Variants in COQ8B observed in about 807,000 individuals in gnomAD.
The protein encoded by COQ8B is atypical kinase COQ8B, mitochondrial.
In COQ8B, 44 loss-of-function variants were observed where a neutral mutation model predicts 62.0. That is an observed-to-expected ratio of 0.71 (90% confidence interval 0.56 to 0.91). The LOEUF (loss-of-function observed/expected upper bound fraction) is 0.91, where lower values mean the gene tolerates loss of function less well. COQ8B is among the 40% of genes least tolerant of loss of function. The probability of loss-of-function intolerance (pLI) is 0.00; values close to 1 mark genes in which losing one functional copy is unlikely to be tolerated. For synonymous variants in COQ8B, 252 were observed against 289.9 expected, an observed-to-expected ratio of 0.87 and a Z score of 1.33; for missense variants, 649 against 731.6, an observed-to-expected ratio of 0.89 and a Z score of 1.30.
intron 13 of COQ8B, among the ~76,000 whole-genome samples, chr19:40,695,326 A>AAAAAAAAAAGAAAAG (rs568057941): frequency 0.34 from 48,049 of 141,032 alleles, 8,707 homozygotes; most frequent in East Asian, 0.44. Context: ...TCAATTAAAA[A>AAAAAAAAAAGAAAAG]AAAAAAAAAG....
At chr19:40,707,152 CCA>C (rs1227051841) in intron 5 of COQ8B, among the ~76,000 whole-genome samples, 1 of 151,908 alleles carries the variant, frequency 6.6e-6, no homozygotes, top group Non-Finnish European at 1.5e-5. Context: ...GCCTATAGTC[CCA>C]GCTACTCAGG....
intron 13 of COQ8B, 37 bp from the exon 14 acceptor site, chr19:40,693,074 G>A (rs532071290): frequency 1.5e-5 from 24 of 1,553,082 alleles, no homozygotes; most frequent in Middle Eastern, 1.7e-4. Context: ...GACAAAGGCC[G>A]GGGCTCAAGG....
At position 40,700,187 on chromosome 19, in the gene COQ8B, G is replaced by A. The variant is rs1480932941; in HGVS notation, c.1036-13C>T. On this transcript the variant is annotated splice_polypyrimidine_tract_variant and intron_variant, in intron 11 of 14. Transcript: ENST00000324464. ...GCTGGAAGCAAATCTGGGGTGGGGA[G>A]AATTAACAGGCATCTCAGTGTGATC... 1 of 1,614,112 alleles carries A rather than the reference G, an allele frequency of 6.2e-7. No individual in the cohort carries two copies. The highest frequency in any genetic ancestry group is 2.2e-5 in the East Asian group (1 of 44,878).
Position 40,703,585 on chromosome 19 carries a change from T to C in COQ8B, c.755A>G (p.Gln252Arg), listed in dbSNP as rs748138781. Reference sequence around the variant, plus strand: ...CATCTTGAGTACCGCCAGCAGGTTCTGGACATCGCTCTGAATGCTCTGGGC... The same window carrying C: ...CATCTTGAGTACCGCCAGCAGGTTCCGGACATCGCTCTGAATGCTCTGGGC... ...GIAQSIQSDV[Q>R]NLLAVLKMSA... Residue 252 changes from glutamine to arginine, a missense_variant, in exon 9 of 15, where the codon CAG (glutamine) becomes CGG (arginine). Transcript: ENST00000324464. 1.5e-5 allele frequency: 24 copies of C among 1,611,182 alleles called. No individual in the cohort carries two copies. The highest frequency in any genetic ancestry group is 2.2e-5 in the East Asian group (1 of 44,804).
chr19:40,699,953 C>G, intron 12 of COQ8B, 114 bp downstream of exon 12: 1 of 986,924 alleles, frequency 1.0e-6, no homozygotes, highest in Non-Finnish European at 1.5e-6. Context: ...TGGAAAAGGG[C>G]CACCCCTGCC....
At position 40,714,613 on chromosome 19, in the gene COQ8B, C is replaced by T. The variant is rs113871093; in HGVS notation, c.20G>A (p.Gly7Asp). MWLKVG[G>D]LLRGTGGQLG... ...CTGTCCACCGGTCCCCCGAAGTAGG[C>T]CCCCCACCTTCAGCCACATTGCCTG... The change falls in exon 2 of 15, where the codon GGC (glycine) becomes GAC (aspartate). Residue 7 changes from glycine (G) to aspartate (D), a missense_variant. Gly to Asp is a moderately conservative substitution (Grantham distance 94). Transcript: ENST00000324464. 487 of 1,609,162 alleles carry T rather than the reference C, an allele frequency of 3.0e-4. 2 individuals carry two copies. In the African/African-American group the frequency reaches 5.6e-3, roughly 19 times the overall value.
At chr19:40,715,587 C>G (rs2082179339) in intron 1 of COQ8B, 2 of 985,480 alleles carry the variant, frequency 2.0e-6, no homozygotes, top group African/African-American at 3.5e-5. Context: ...AATCCCTTGC[C>G]TTGCTTGCCA....
At position 40,713,331 on chromosome 19, in the gene COQ8B, T is replaced by C. The variant is rs966906001; in HGVS notation, c.289+736A>G. 5.3e-5 allele frequency among the ~76,000 whole-genome samples: 8 copies of C among 152,144 alleles called. No individual in the cohort carries two copies. In the South Asian group the frequency reaches 1.2e-3, roughly 24 times the overall value. ...GTCATCCCTTGAACCCTGGGCAGCC[T>C]GGTGCCAAAGCTCTACCACTGCCTG... On this transcript the variant is annotated intron_variant, in intron 4 of 14. Transcript: ENST00000324464.
In COQ8B at chr19:40,703,774, T is replaced by C. The variant is rs897201275; in HGVS notation, c.658A>G (p.Ile220Val). 26 of 1,613,952 alleles carry C rather than the reference T, an allele frequency of 1.6e-5. No homozygotes were observed. Among genetic ancestry groups the C allele is most frequent in the Middle Eastern group, 1.6e-4 (1 of 6,084 alleles). ...LEEVPFAAAS[I>V]GQVHQGLLRD... ...AGCAGGCCCTGGTGCACCTGCCCAA[T>C]TGAGGCAGCGGCAAAGGGCACCTCC... Residue 220 changes from isoleucine to valine, a missense_variant, in exon 8 of 15, where the codon ATT becomes GTT. By Grantham distance (29) the Ile-to-Val change is conservative. Coordinates refer to ENST00000324464, the MANE Select transcript of COQ8B (RefSeq NM_024876.4).
intron 9 of COQ8B, among the ~76,000 whole-genome samples, chr19:40,703,154 T>C (rs976684422): frequency 5.3e-5 from 8 of 151,996 alleles, no homozygotes; most frequent in Admixed American, 5.3e-4. Context: ...GGCCTGGCTT[T>C]CCCTCTCCCT....
Position 40,705,308 on chromosome 19 carries a change from C to G in COQ8B, c.490+17G>C. On this transcript the variant is annotated intron_variant, in intron 6 of 14. Coordinates refer to ENST00000324464, the MANE Select transcript of COQ8B (RefSeq NM_024876.4). ...AGAAGGGAGGTCAGGGGTCAGGAGT[C>G]GAGGGTCATGCTGTACCCTGGATGC... The G allele has an allele frequency of 6.3e-7, 1 of 1,585,504 alleles. No individual in the cohort carries two copies. The highest frequency in any genetic ancestry group is 8.6e-7 in the Non-Finnish European group (1 of 1,160,874).
chr19:40,711,672 G>A (rs2082142818), intron 4 of COQ8B, among the ~76,000 whole-genome samples: 1 of 151,948 alleles, frequency 6.6e-6, no homozygotes, highest in East Asian at 1.9e-4. Flanking sequence ...CCCTAAAGAC[G>A]TCTCGGGTCT....
intron 4 of COQ8B, among the ~76,000 whole-genome samples, chr19:40,711,228 T>C (rs1271807409): frequency 6.6e-6 from 1 of 152,042 alleles, no homozygotes; most frequent in Non-Finnish European, 1.5e-5. Flanking sequence ...CTCTTCTTTA[T>C]GCTTATCTCT....
intron 5 of COQ8B, among the ~76,000 whole-genome samples, chr19:40,709,431 G>A (rs961558034): frequency 2.0e-5 from 3 of 152,106 alleles, no homozygotes; most frequent in Non-Finnish European, 4.4e-5. Context: ...TTTTATAACG[G>A]CAAATGCTAC....
Position 40,702,581 on chromosome 19 carries a change from C to G in COQ8B, c.893+19G>C. The G allele has an allele frequency of 6.2e-7, 1 of 1,612,564 alleles. No individual in the cohort carries two copies. The highest frequency in any genetic ancestry group is 8.5e-7 in the Non-Finnish European group (1 of 1,179,562). ...CCTGGGAGGGAGGGAAGGAGGGAAG[C>G]TCAGGGCACTCAGCTCACCTGAAAT... On this transcript the variant is annotated intron_variant, in intron 10 of 14. Coordinates refer to ENST00000324464, the MANE Select transcript of COQ8B (RefSeq NM_024876.4).
rs1437437823 is a variant in COQ8B at position 40,692,225 on chromosome 19, G to A, written c.1445C>T (p.Pro482Leu). 1 of 1,607,658 alleles carries A rather than the reference G, an allele frequency of 6.2e-7. No individual in the cohort carries two copies. Among genetic ancestry groups the A allele is most frequent in the Middle Eastern group, 1.7e-4 (1 of 5,996 alleles). The change falls in exon 15 of 15, where the codon CCC becomes CTC. Residue 482 changes from proline (P) to leucine (L), a missense_variant. Physicochemically the swap from Pro to Leu is moderately conservative, Grantham distance 98 (BLOSUM62 -3). Coordinates refer to ENST00000324464, the MANE Select transcript of COQ8B (RefSeq NM_024876.4). ...VLLRHRLCPP[P>L]EETYALHRKL... ...GCGGTGCAGGGCATAGGTCTCCTCG[G>A]GTGGGGGACACAGCCGGTGCCGCAG...
At chr19:40,712,370 C>G (rs951523407) in intron 4 of COQ8B, among the ~76,000 whole-genome samples, 1 of 146,574 alleles carries the variant, frequency 6.8e-6, no homozygotes, top group Non-Finnish European at 1.5e-5. Flanking sequence ...GTCAGGAGAT[C>G]GAGACCATCC....
intron 13 of COQ8B, among the ~76,000 whole-genome samples, chr19:40,694,504 G>A (rs1388717491): frequency 2.6e-5 from 4 of 152,188 alleles, no homozygotes; most frequent in African/African-American, 9.7e-5. Context: ...ACTCAGAATG[G>A]GAGCTTCCTT....
chr19:40,711,177 CCTCT>C (rs536349452), intron 4 of COQ8B, among the ~76,000 whole-genome samples: 37 of 151,796 alleles, frequency 2.4e-4, no homozygotes, highest in African/African-American at 8.7e-4. Flanking sequence ...GTCCTAGGTC[CCTCT>C]GTCTTCTGGT....
Sources: gnomAD v4.1 joint callset for allele counts (sites outside exome capture counted in the v4.1 genomes callset) on GRCh38, gnomAD v4.1.1 for gene constraint, MANE v1.5 for transcripts, NCBI Gene and HGNC (gene_info 2026-07-23, HGNC 2026-07-21) for gene names.